SUSD1: variants seen among roughly 807,000 people sequenced by gnomAD.
SUSD1 encodes sushi domain containing 1.
Under a neutral mutation model 86.9 loss-of-function variants are expected in SUSD1, and 65 were observed. The ratio of observed to expected loss-of-function variants is 0.75; its 90% confidence interval spans 0.61 to 0.92. The LOEUF (loss-of-function observed/expected upper bound fraction) is 0.92, where lower values mean the gene tolerates loss of function less well. SUSD1 is among the 40% of genes least tolerant of loss of function. The pLI, the probability that SUSD1 is intolerant of heterozygous loss-of-function variation, is 0.00. For missense variants in SUSD1, 850 were observed against 929.7 expected (o/e 0.91, Z 1.11); for synonymous variants, 346 against 350.0 (o/e 0.99, Z 0.13).
chr9:112,107,619 T>C (rs1830908848), intron 8 of SUSD1, among the ~76,000 whole-genome samples: 1 of 152,104 alleles, frequency 6.6e-6, no homozygotes, highest in African/African-American at 2.4e-5. Context: ...CAGATAGCTT[T>C]CAAGAAGGAA....
At chr9:112,056,243 G>T (rs1828442793) in intron 14 of SUSD1, among the ~76,000 whole-genome samples, 2 of 152,166 alleles carry the variant, frequency 1.3e-5, no homozygotes, top group East Asian at 3.9e-4. Context: ...CTCCAGCCTG[G>T]GCAACAGAGC....
chr9:112,050,339 C>T (rs954438381), intron 15 of SUSD1, among the ~76,000 whole-genome samples: 3 of 152,172 alleles, frequency 2.0e-5, no homozygotes, highest in Non-Finnish European at 2.9e-5. Flanking sequence ...CCGCCTTGCA[C>T]CCTGCTGAAA....
At chr9:112,067,333 C>T (rs183452819) in intron 12 of SUSD1, among the ~76,000 whole-genome samples, 15 of 152,348 alleles carry the variant, frequency 9.8e-5, no homozygotes, top group Admixed American at 1.3e-4. Flanking sequence ...GGTGACACCA[C>T]GTGTGACTGA....
intron 6 of SUSD1, among the ~76,000 whole-genome samples, chr9:112,118,631 C>T (rs796821925): frequency 9.2e-5 from 14 of 152,186 alleles, no homozygotes; most frequent in African/African-American, 2.9e-4. Context: ...ACTACAGACG[C>T]GTGCCACCAC....
chr9:112,135,521 T>G (rs1487599135), intron 5 of SUSD1, among the ~76,000 whole-genome samples: 1 of 152,238 alleles, frequency 6.6e-6, no homozygotes, highest in Non-Finnish European at 1.5e-5. Context: ...TTTGCAGAAG[T>G]GACAATAATG....
At chr9:112,078,811 CTTTTTT>C (rs71496739) in intron 11 of SUSD1, 87 bp from the exon 12 acceptor site, 116 of 641,086 alleles carry the variant, frequency 1.8e-4, no homozygotes, top group Middle Eastern at 1.5e-3. Flanking sequence ...TTTTCTTTCT[CTTTTTT>C]TTTTTTTTTT....
intron 10 of SUSD1, among the ~76,000 whole-genome samples, chr9:112,084,957 T>C (rs1321092611): frequency 6.6e-6 from 1 of 152,232 alleles, no homozygotes; most frequent in Non-Finnish European, 1.5e-5. Flanking sequence ...AATCACTATT[T>C]CCTCTCTGCT....
chr9:112,114,622 AC>A (rs1352597225), intron 6 of SUSD1, among the ~76,000 whole-genome samples: 2 of 152,158 alleles, frequency 1.3e-5, no homozygotes, highest in Non-Finnish European at 2.9e-5. Flanking sequence ...TGAAGCAGAC[AC>A]CTCTTAAGAA....
At chr9:112,084,458 A>T (rs1454400508) in intron 10 of SUSD1, among the ~76,000 whole-genome samples, 1 of 152,150 alleles carries the variant, frequency 6.6e-6, no homozygotes, top group East Asian at 1.9e-4. Context: ...AATTACACAC[A>T]CACATATGCT....
At chr9:112,068,050 G>T (rs7046525) in intron 12 of SUSD1, among the ~76,000 whole-genome samples, 1 of 151,988 alleles carries the variant, frequency 6.6e-6, no homozygotes, top group South Asian at 2.1e-4. Flanking sequence ...CACCTCTGCC[G>T]CAGGCTCTGT....
At chr9:112,094,222 G>A (rs1047452700) in intron 10 of SUSD1, among the ~76,000 whole-genome samples, 2 of 152,174 alleles carry the variant, frequency 1.3e-5, no homozygotes, top group African/African-American at 2.4e-5. Flanking sequence ...AGCAATGGTG[G>A]GAGGTTTTAA....
chr9:112,144,040 G>C (rs545952229), intron 3 of SUSD1, among the ~76,000 whole-genome samples: 1 of 152,226 alleles, frequency 6.6e-6, no homozygotes, highest in African/African-American at 2.4e-5. Context: ...AGGAGTTCGA[G>C]ACCAGCCTGG....
intron 8 of SUSD1, among the ~76,000 whole-genome samples, 176 bp from the exon 9 acceptor site, chr9:112,102,461 A>G (rs1176760069): frequency 6.6e-6 from 1 of 152,198 alleles, no homozygotes; most frequent in Non-Finnish European, 1.5e-5. Context: ...CAGCTTCTCA[A>G]TTGTAATTAC....
At chr9:112,064,606 T>C (rs1828890292) in intron 12 of SUSD1, among the ~76,000 whole-genome samples, 1 of 152,158 alleles carries the variant, frequency 6.6e-6, no homozygotes, top group South Asian at 2.1e-4. Flanking sequence ...GGGGGTGCGG[T>C]GGCTCACGCC....
chr9:112,171,002 C>T (rs534062695), intron 1 of SUSD1, among the ~76,000 whole-genome samples: 11 of 152,190 alleles, frequency 7.2e-5, no homozygotes, highest in Admixed American at 2.0e-4. Flanking sequence ...CGTGAGCCAC[C>T]GCACCCAGCC....
chr9:112,143,441 G>A, intron 4 of SUSD1, 30 bp downstream of exon 4: 2 of 1,608,222 alleles, frequency 1.2e-6, no homozygotes, highest in Non-Finnish European at 1.7e-6. Context: ...ATTTCACGTT[G>A]AGATGCCGCA....
At chr9:112,093,572 C>G (rs1391333107) in intron 10 of SUSD1, among the ~76,000 whole-genome samples, 1 of 152,190 alleles carries the variant, frequency 6.6e-6, no homozygotes, top group Non-Finnish European at 1.5e-5. Flanking sequence ...ATAGCTTTTA[C>G]CTGAAATTCA....
chr9:112,066,674 T>C (rs1828993848), intron 12 of SUSD1, among the ~76,000 whole-genome samples: 1 of 152,208 alleles, frequency 6.6e-6, no homozygotes, highest in African/African-American at 2.4e-5. Context: ...ATATGTTACA[T>C]ACTTTATATG....
intron 6 of SUSD1, among the ~76,000 whole-genome samples, chr9:112,118,708 T>C (rs3983408): frequency 0.65 from 98,820 of 151,986 alleles, 32,824 homozygotes; most frequent in African/African-American, 0.77. Flanking sequence ...TGGTCTCAAA[T>C]TCCTGACCTC....
Sources: gnomAD v4.1 joint callset for allele counts (sites outside exome capture counted in the v4.1 genomes callset) on GRCh38, gnomAD v4.1.1 for gene constraint, MANE v1.5 for transcripts, NCBI Gene and HGNC (gene_info 2026-07-23, HGNC 2026-07-21) for gene names.